Variants in GRB10 observed in about 807,000 individuals in gnomAD.
GRB10 encodes growth factor receptor bound protein 10.
In GRB10, 20 loss-of-function variants were observed where a neutral mutation model predicts 80.9. The observed-to-expected ratio is 0.25, with a 90% CI of 0.17 to 0.36. The LOEUF (loss-of-function observed/expected upper bound fraction) is 0.36. Ranked by LOEUF, GRB10 falls within the 10% of genes least tolerant of loss-of-function variation. The probability of loss-of-function intolerance (pLI) is 1.00; values close to 1 mark genes in which losing one functional copy is unlikely to be tolerated. For synonymous variants in GRB10, 291 were observed against 291.5 expected (o/e 1.00, Z 0.02); for missense variants, 548 against 747.7 (o/e 0.73, Z 3.12).
intron 17 of GRB10, among the ~76,000 whole-genome samples, chr7:50,602,350 C>A (rs2153566986): frequency 6.6e-6 from 1 of 152,286 alleles, no homozygotes; most frequent in Middle Eastern, 3.4e-3. Flanking sequence ...TGCACTTGAA[C>A]CCCTGCTCAC....
At chr7:50,628,097 C>T (rs1193852598) in intron 7 of GRB10, among the ~76,000 whole-genome samples, 1 of 152,248 alleles carries the variant, frequency 6.6e-6, no homozygotes, top group African/African-American at 2.4e-5. Flanking sequence ...ACAACTCTCA[C>T]ACCAACTGGT....
At chr7:50,732,503 C>A in intron 3 of GRB10, 135 bp from the exon 4 acceptor site, 1 of 647,932 alleles carries the variant, frequency 1.5e-6, no homozygotes, top group Non-Finnish European at 2.7e-6. Context: ...AGGACACTTG[C>A]TCGGGGCACC....
chr7:50,713,210 G>T (rs1287396189), intron 4 of GRB10, among the ~76,000 whole-genome samples: 2 of 152,106 alleles, frequency 1.3e-5, no homozygotes, highest in African/African-American at 2.4e-5. Flanking sequence ...ATCACACATG[G>T]AAAGCACGGC....
intron 3 of GRB10, among the ~76,000 whole-genome samples, chr7:50,754,726 A>C (rs1428832542): frequency 1.3e-5 from 2 of 152,144 alleles, no homozygotes; most frequent in African/African-American, 4.8e-5. Context: ...AGGGAAGGTG[A>C]CCGGCAGTAC....
At chr7:50,792,746 C>T in intron 1 of GRB10, 1 of 274,854 alleles carries the variant, frequency 3.6e-6, no homozygotes, top group Non-Finnish European at 6.7e-6. Context: ...GCGCGCGCCG[C>T]GGCCCCGCCG....
At chr7:50,740,828 G>GA (rs34620281) in intron 3 of GRB10, among the ~76,000 whole-genome samples, 9,162 of 141,604 alleles carry the variant, frequency 0.065, 630 homozygotes, top group Admixed American at 0.18. Flanking sequence ...CCATTCTAAT[G>GA]AAAAAAAAAA....
chr7:50,611,938 C>G (rs1378705422), intron 13 of GRB10, among the ~76,000 whole-genome samples: 1 of 152,200 alleles, frequency 6.6e-6, no homozygotes, highest in Non-Finnish European at 1.5e-5. Context: ...TTACAACTCA[C>G]AAGGACTCTG....
intron 5 of GRB10, among the ~76,000 whole-genome samples, chr7:50,687,950 C>A (rs774665578): frequency 6.6e-6 from 1 of 152,236 alleles, no homozygotes; most frequent in African/African-American, 2.4e-5. Flanking sequence ...AAGTATTCCT[C>A]GTCTGTTCTG....
At chr7:50,792,470 G>C in intron 1 of GRB10, 1 of 398,556 alleles carries the variant, frequency 2.5e-6, no homozygotes, top group Non-Finnish European at 4.4e-6. Flanking sequence ...CATGCTCCAA[G>C]GCAGTCGTCA....
chr7:50,636,095 A>G (rs2054969748), intron 7 of GRB10, among the ~76,000 whole-genome samples: 1 of 149,622 alleles, frequency 6.7e-6, no homozygotes, highest in African/African-American at 2.5e-5. Flanking sequence ...CTTCTGCCTC[A>G]GCCTCCCAAG....
chr7:50,657,957 G>A lies in GRB10; in HGVS notation c.504+11765C>T, dbSNP rs149847556. Reference sequence around the variant, plus strand: ...CTTCAGCCAGTTAAGAGACTGAGGCGAGAGCCTAAGGAAAGAAAAACAGAA... The same window carrying A: ...CTTCAGCCAGTTAAGAGACTGAGGCAAGAGCCTAAGGAAAGAAAAACAGAA... On this transcript the variant is annotated intron_variant, in intron 7 of 18. Transcript: ENST00000401949. Among the ~76,000 whole-genome samples, 1,085 of 152,154 alleles carry A rather than the reference G, an allele frequency of 7.1e-3. 11 individuals are homozygous for A. The highest frequency in any genetic ancestry group is 0.025 in the African/African-American group (1,037 of 41,498).
chr7:50,612,035 T>G (rs1362901716), intron 13 of GRB10, among the ~76,000 whole-genome samples: 1 of 152,208 alleles, frequency 6.6e-6, no homozygotes, highest in East Asian at 1.9e-4. Context: ...AACAGCCCTA[T>G]GAAATCACTC....
At chr7:50,637,227 C>T (rs1003646034) in intron 7 of GRB10, among the ~76,000 whole-genome samples, 1 of 152,176 alleles carries the variant, frequency 6.6e-6, no homozygotes, top group Non-Finnish European at 1.5e-5. Flanking sequence ...CTCAGCCTCC[C>T]AAAGGGCTGG....
intron 7 of GRB10, among the ~76,000 whole-genome samples, chr7:50,656,975 C>T (rs1229295079): frequency 6.6e-6 from 1 of 152,186 alleles, no homozygotes; most frequent in Non-Finnish European, 1.5e-5. Context: ...AGTGAAGCAT[C>T]ATTTATAGCA....
intron 3 of GRB10, among the ~76,000 whole-genome samples, chr7:50,755,374 C>T (rs930441036): frequency 1.3e-5 from 2 of 152,180 alleles, no homozygotes; most frequent in African/African-American, 4.8e-5. Context: ...CCTGGTCCTC[C>T]GTTAGTTACA....
chr7:50,783,962 C>T (rs1197459828), upstream of GRB10, among the ~76,000 whole-genome samples: 3 of 152,162 alleles, frequency 2.0e-5, no homozygotes, highest in Non-Finnish European at 4.4e-5. Flanking sequence ...CCACGGTGGT[C>T]ATGACCACAA....
chr7:50,730,117 A>ATTATGATGTGTCACAGAGG (rs2069406952), intron 4 of GRB10, among the ~76,000 whole-genome samples: 1 of 152,154 alleles, frequency 6.6e-6, no homozygotes, highest in African/African-American at 2.4e-5. Flanking sequence ...AAGGTCAGAG[A>ATTATGATGTGTCACAGAGG]ATTATGATGT....
intron 4 of GRB10, among the ~76,000 whole-genome samples, chr7:50,725,213 T>C (rs936871667): frequency 1.3e-5 from 2 of 152,204 alleles, no homozygotes; most frequent in African/African-American, 4.8e-5. Context: ...GCTATTCTCA[T>C]GACAGTAAGT....
chr7:50,736,714 T>C (rs2070850580), intron 3 of GRB10, among the ~76,000 whole-genome samples: 1 of 151,914 alleles, frequency 6.6e-6, no homozygotes, highest in East Asian at 1.9e-4. Flanking sequence ...AGCACAGGAA[T>C]TGAGGATGCA....
Sources: allele counts gnomAD v4.1 joint callset (sites outside exome capture counted in the v4.1 genomes callset), GRCh38; gene constraint gnomAD v4.1.1; transcripts MANE v1.5; gene names NCBI Gene and HGNC (gene_info 2026-07-23, HGNC 2026-07-21).